Variants in PCDHA6 observed in about 807,000 individuals in gnomAD.
PCDHA6 encodes protocadherin alpha-6.
PCDHA6 carries 55 observed loss-of-function variants against 60.3 expected under a neutral mutation model. That is an observed-to-expected ratio of 0.91 (90% CI 0.73 to 1.14). The LOEUF (loss-of-function observed/expected upper bound fraction) is 1.14. Among genes scored for constraint, PCDHA6 ranks in the 50% most tolerant of loss-of-function variants. The probability of loss-of-function intolerance (pLI) is 0.00; values close to 1 mark genes in which losing one functional copy is unlikely to be tolerated. For missense variants in PCDHA6, 1,327 were observed against 1,256.5 expected (o/e 1.06, Z -0.85); for synonymous variants, 652 against 557.9 (o/e 1.17, Z -2.38).
chr5:140,910,546 A>G (rs2075078968), intron 1 of PCDHA6, among the ~76,000 whole-genome samples: 1 of 152,198 alleles, frequency 6.6e-6, no homozygotes, highest in Non-Finnish European at 1.5e-5. Context: ...CTATTTTGCA[A>G]AGTATTAGTC....
At chr5:140,971,292 T>C (rs1194622162) in intron 1 of PCDHA6, among the ~76,000 whole-genome samples, 1 of 152,210 alleles carries the variant, frequency 6.6e-6, no homozygotes, top group Non-Finnish European at 1.5e-5. Flanking sequence ...TAATATGTAC[T>C]TTGGTACACA....
intron 1 of PCDHA6, among the ~76,000 whole-genome samples, chr5:140,948,075 T>C (rs1554218432): frequency 1.3e-5 from 2 of 151,684 alleles, no homozygotes; most frequent in Non-Finnish European, 3.0e-5. Flanking sequence ...AATTTTCTTT[T>C]AATCTATTGA....
intron 1 of PCDHA6, chr5:140,881,964 A>G (rs1297923565): frequency 8.1e-6 from 3 of 368,944 alleles, no homozygotes; most frequent in East Asian, 9.0e-5. Context: ...TTAATCTTCA[A>G]TTACATATTT....
At chr5:140,865,437 T>A (rs951308725) in intron 1 of PCDHA6, 1 of 152,200 alleles carries the variant, frequency 6.6e-6, no homozygotes, top group Non-Finnish European at 1.5e-5. Flanking sequence ...GAAAAATAAC[T>A]TCTGAGAAGA....
chr5:140,927,848 G>T (rs1295513512), intron 1 of PCDHA6: 2 of 1,614,180 alleles, frequency 1.2e-6, no homozygotes, highest in Middle Eastern at 3.3e-4. Context: ...GGTGTCTTTG[G>T]TTTAGCTAGC....
chr5:140,869,936 C>T (rs1554163630), intron 1 of PCDHA6: 1 of 1,611,844 alleles, frequency 6.2e-7, no homozygotes, highest in South Asian at 1.1e-5. Flanking sequence ...GGAGAGGTAA[C>T]ATACTCCTTA....
intron 1 of PCDHA6, among the ~76,000 whole-genome samples, chr5:140,978,557 T>C (rs1262121525): frequency 6.6e-6 from 1 of 152,246 alleles, no homozygotes; most frequent in Non-Finnish European, 1.5e-5. Flanking sequence ...TGCCCTGTTA[T>C]AGCTGTAATA....
chr5:140,854,721 T>C (rs941408696), intron 1 of PCDHA6: 9 of 149,956 alleles, frequency 6.0e-5, no homozygotes, highest in Non-Finnish European at 1.2e-4. Flanking sequence ...GACAGAAAAC[T>C]CAAGTTTTTT....
chr5:140,835,529 C>T (rs2150237591), intron 1 of PCDHA6: 1 of 1,613,966 alleles, frequency 6.2e-7, no homozygotes, highest in East Asian at 2.2e-5. Context: ...TTGGAGTCAA[C>T]GGACAGGTTA....
chr5:140,997,156 C>G (rs1266627646), intron 3 of PCDHA6, among the ~76,000 whole-genome samples: 1 of 152,106 alleles, frequency 6.6e-6, no homozygotes, highest in Non-Finnish European at 1.5e-5. Flanking sequence ...CAGTGACATC[C>G]TGCCCAGAGT....
chr5:140,877,233 G>A (rs1554169499), intron 1 of PCDHA6: 2 of 1,613,676 alleles, frequency 1.2e-6, no homozygotes, highest in Non-Finnish European at 8.5e-7. Flanking sequence ...CGGTGGGTGC[G>A]GGCCACGTGG....
At position 140,857,973 on chromosome 5, in the gene PCDHA6, C is replaced by G. The variant is rs114376757; in HGVS notation, c.2394+27488C>G. On this transcript the variant is annotated intron_variant, in intron 1 of 3. Transcript: ENST00000529310. ...CGCGCTCTGGATGAGACTGACTCGC[C>G]ACGCCAGCGCCTACTGGTGCTGGTG... is the stretch of plus-strand genomic sequence containing the variant. The G allele has an allele frequency of 3.1e-3, 4,989 of 1,596,810 alleles. 388 individuals carry two copies. In the African/African-American group the frequency reaches 0.058, roughly 19 times the overall value.
rs2150162425 is a variant in PCDHA6, at chr5:140,829,084, G to A, written c.993G>A (p.Ala331=). Residue 331 remains alanine, a synonymous_variant, in exon 1 of 4, where the codon GCG becomes GCA. Transcript: ENST00000529310. ...DATDKGHPPM[A]GHCTVLVRIL... is the part of the protein sequence containing the mutation. The stretch of plus-strand genomic sequence containing the variant: ...CGGACAAAGGCCATCCTCCCATGGC[G>A]GGTCATTGCACCGTTTTAGTGAGAA... The A allele has an allele frequency of 3.1e-5, 50 of 1,611,088 alleles. No individual in the cohort carries two copies. The Admixed American group carries it at 5.2e-4, about 17-fold the overall frequency.
At chr5:140,899,575 G>C (rs1347901369) in intron 1 of PCDHA6, among the ~76,000 whole-genome samples, 1 of 152,086 alleles carries the variant, frequency 6.6e-6, no homozygotes, top group African/African-American at 2.4e-5. Flanking sequence ...TGCTGGATTC[G>C]GTTTGCCAGT....
At chr5:140,863,351 C>T in intron 1 of PCDHA6, 1 of 1,288,680 alleles carries the variant, frequency 7.8e-7, no homozygotes, top group Non-Finnish European at 1.1e-6. Context: ...CTGTACACGA[C>T]GCTGCGGTGC....
Position 140,836,313 on chromosome 5 carries a change from C to T in PCDHA6, c.2394+5828C>T, listed in dbSNP as rs2150257393. 228 of 1,613,608 alleles carry T rather than the reference C, an allele frequency of 1.4e-4. 1 individual carries two copies. Among genetic ancestry groups the T allele is most frequent in the Non-Finnish European group, 1.4e-5 (16 of 1,179,840 alleles). On this transcript the variant is annotated intron_variant, in intron 1 of 3. Coordinates refer to ENST00000529310, the MANE Select transcript of PCDHA6 (RefSeq NM_018909.4). The stretch of plus-strand genomic sequence containing the variant: ...AGCCCTAGATGAGACGGACGCACCG[C>T]GCCACCGCCTTCTGGTGCTTGTGAA...
At chr5:140,836,762 C>G (rs2150269461) in intron 1 of PCDHA6, 3 of 1,567,538 alleles carry the variant, frequency 1.9e-6, no homozygotes, top group Non-Finnish European at 2.6e-6. Context: ...AATCTTGTTT[C>G]CAACAATTTT....
chr5:140,836,577 T>C lies in PCDHA6; in HGVS notation c.2394+6092T>C. ...CTCAGCGCCGTCCTCTGAGGGCGCA[T>C]GTAGTTTGGTAAAGCCCACTCTGGT... is the stretch of plus-strand genomic sequence containing the variant. On this transcript the variant is annotated intron_variant, in intron 1 of 3. Transcript: ENST00000529310. 1 of 1,613,654 alleles carries C rather than the reference T, an allele frequency of 6.2e-7. No homozygotes were observed. The highest frequency in any genetic ancestry group is 8.5e-7 in the Non-Finnish European group (1 of 1,179,798).
chr5:140,838,125 T>C (rs1775553938), intron 1 of PCDHA6, among the ~76,000 whole-genome samples: 1 of 145,318 alleles, frequency 6.9e-6, no homozygotes, highest in Non-Finnish European at 1.5e-5. Flanking sequence ...TGTGTGTGTG[T>C]GTGTGTTTGA....
Sources: gnomAD v4.1 joint callset for allele counts (sites outside exome capture counted in the v4.1 genomes callset) on GRCh38, gnomAD v4.1.1 for gene constraint, MANE v1.5 for transcripts, NCBI Gene and HGNC (gene_info 2026-07-23, HGNC 2026-07-21) for gene names.